The following NALF1 variants were observed in gnomAD, a reference collection of about 807,000 sequenced individuals.
The protein encoded by NALF1 is NALCN channel auxiliary factor 1, also known as family with sequence similarity 155 member A.
NALF1 carries 3 observed loss-of-function variants against 48.4 expected under a neutral mutation model. The ratio of observed to expected loss-of-function variants is 0.06; its 90% CI spans 0.03 to 0.16. The LOEUF is 0.16. NALF1 is among the 10% of genes least tolerant of loss of function. The pLI, the probability that NALF1 is intolerant of heterozygous loss-of-function variation, is 1.00. For synonymous variants in NALF1, 262 were observed against 245.7 expected, an observed-to-expected ratio of 1.07 and a Z score of -0.62; for missense variants, 526 against 571.5, an observed-to-expected ratio of 0.92 and a Z score of 0.81.
At chr13:107,586,932 G>T (rs567501617) in intron 1 of NALF1, among the ~76,000 whole-genome samples, 1 of 152,068 alleles carries the variant, frequency 6.6e-6, no homozygotes, top group African/African-American at 2.4e-5. Flanking sequence ...TATTATGCTA[G>T]CAAACTTATA....
chr13:107,310,547 T>C, intron 1 of NALF1, among the ~76,000 whole-genome samples: 1 of 151,988 alleles, frequency 6.6e-6, no homozygotes, highest in East Asian at 1.9e-4. Context: ...AGTAGAAAGG[T>C]GATTATCTTG....
chr13:107,760,908 A>G (rs576708464), intron 1 of NALF1, among the ~76,000 whole-genome samples: 2 of 152,316 alleles, frequency 1.3e-5, no homozygotes, highest in South Asian at 4.1e-4. Flanking sequence ...GAAAGAGAAG[A>G]AAGGAGCTAA....
chr13:107,553,282 A>C (rs1877351676), intron 1 of NALF1, among the ~76,000 whole-genome samples: 1 of 152,208 alleles, frequency 6.6e-6, no homozygotes, highest in African/African-American at 2.4e-5. Context: ...CATTTCAGAA[A>C]AATCACATTT....
Position 107,867,206 on chromosome 13 carries a change from C to T in NALF1, c.-610G>A, listed in dbSNP as rs373408555. Among the ~76,000 whole-genome samples the T allele has an allele frequency of 6.0e-3, 913 of 151,652 alleles. 11 individuals are homozygous for T. The highest frequency in any genetic ancestry group is 0.02 in the African/African-American group (833 of 41,308). On this transcript the variant is annotated 5_prime_UTR_variant, in exon 1 of 3. Transcript: ENST00000375915. This position sits in a 1 kb window ranked among gnomAD's most constrained non-coding sequence, Gnocchi z 4.4. ...CTCCTTCTTCTTCTCCTCCGCCTCC[C>T]GCTCCTGCTCCGCGCTGGCTCTCCC...
At chr13:107,828,489 CTTGT>C (rs1879587975) in intron 1 of NALF1, among the ~76,000 whole-genome samples, 2 of 67,088 alleles carry the variant, frequency 3.0e-5, no homozygotes, top group Admixed American at 2.3e-4. Flanking sequence ...GAGCCACTGA[CTTGT>C]TTTTTTTTTT....
chr13:107,760,743 G>A (rs1179101904), intron 1 of NALF1, among the ~76,000 whole-genome samples: 2 of 152,014 alleles, frequency 1.3e-5, no homozygotes, highest in African/African-American at 2.4e-5. Flanking sequence ...GTTAGCATTC[G>A]GTAACAGGAT....
chr13:107,389,732 C>G (rs1489331478), intron 1 of NALF1, among the ~76,000 whole-genome samples: 1 of 152,108 alleles, frequency 6.6e-6, no homozygotes, highest in South Asian at 2.1e-4. Context: ...AAGATCATGT[C>G]TCTTTTGTTC....
chr13:107,212,133 C>A (rs578155594), intron 1 of NALF1, among the ~76,000 whole-genome samples: 2 of 152,290 alleles, frequency 1.3e-5, no homozygotes, highest in Non-Finnish European at 2.9e-5. Context: ...GGGTCAATAT[C>A]TATTTGGTAG....
intron 1 of NALF1, among the ~76,000 whole-genome samples, chr13:107,212,293 T>C (rs530671568): frequency 6.6e-6 from 1 of 152,364 alleles, no homozygotes; most frequent in Admixed American, 6.5e-5. Context: ...TCTTTGCCAG[T>C]CATCAATGGC....
chr13:107,555,439 A>ATTTTTTT (rs34486058), intron 1 of NALF1, among the ~76,000 whole-genome samples: 34 of 69,966 alleles, frequency 4.9e-4, no homozygotes, highest in African/African-American at 1.2e-3. Flanking sequence ...AGCCTGGCTA[A>ATTTTTTT]TTTTTTTTTT....
At chr13:107,517,244 A>T (rs574671334) in intron 1 of NALF1, among the ~76,000 whole-genome samples, 162 of 151,796 alleles carry the variant, frequency 1.1e-3, no homozygotes, top group Non-Finnish European at 1.9e-3. Context: ...AATAGTCTTG[A>T]AAAACTAAAA....
At chr13:107,317,130 A>G (rs538643021) in intron 1 of NALF1, among the ~76,000 whole-genome samples, 1 of 152,280 alleles carries the variant, frequency 6.6e-6, no homozygotes, top group South Asian at 2.1e-4. Flanking sequence ...GAACTCAAAT[A>G]ATACTTAGTT....
At chr13:107,713,913 AAGGAG>A (rs1392241628) in intron 1 of NALF1, among the ~76,000 whole-genome samples, 1 of 152,198 alleles carries the variant, frequency 6.6e-6, no homozygotes. Flanking sequence ...TTAGAGACTG[AAGGAG>A]AGAAGTGTTA....
intron 1 of NALF1, among the ~76,000 whole-genome samples, chr13:107,383,018 T>C (rs555139700): frequency 4.6e-5 from 7 of 152,336 alleles, no homozygotes; most frequent in East Asian, 1.9e-4. Context: ...AAACCCCAGA[T>C]TGATACCTGG....
chr13:107,237,836 G>C (rs1003539760), intron 1 of NALF1, among the ~76,000 whole-genome samples: 2 of 152,206 alleles, frequency 1.3e-5, no homozygotes, highest in Non-Finnish European at 2.9e-5. Context: ...GAAAAGAGCA[G>C]TGAGTCAATT....
intron 1 of NALF1, among the ~76,000 whole-genome samples, chr13:107,572,727 T>G (rs549753): frequency 0.71 from 107,274 of 152,080 alleles, 38,330 homozygotes; most frequent in East Asian, 0.8. Flanking sequence ...AATGGCACTT[T>G]TGAAGTTCCG....
chr13:107,649,570 A>T (rs1210987203), intron 1 of NALF1, among the ~76,000 whole-genome samples: 1 of 152,218 alleles, frequency 6.6e-6, no homozygotes, highest in African/African-American at 2.4e-5. Context: ...TGAGAGGCAT[A>T]TTTAGTGAAT....
At chr13:107,718,671 G>C (rs996393963) in intron 1 of NALF1, among the ~76,000 whole-genome samples, 26 of 152,314 alleles carry the variant, frequency 1.7e-4, no homozygotes, top group African/African-American at 6.3e-4. Context: ...TTTGAAGCCA[G>C]TGTGATGTAG....
chr13:107,325,887 T>TACAC (rs1555332567), intron 1 of NALF1, among the ~76,000 whole-genome samples: 3,332 of 57,824 alleles, frequency 0.058, 155 homozygotes, highest in Non-Finnish European at 0.085. Flanking sequence ...TATATATATA[T>TACAC]ACACACACAC....
Sources: allele counts gnomAD v4.1 joint callset (sites outside exome capture counted in the v4.1 genomes callset), GRCh38; gene constraint gnomAD v4.1.1; non-coding constraint Gnocchi (gnomAD v3.1); transcripts MANE v1.5; gene names NCBI Gene and HGNC (gene_info 2026-07-23, HGNC 2026-07-21).